The following ADCY2 variants were observed in gnomAD, a reference collection of about 807,000 sequenced individuals.
ADCY2 encodes adenylate cyclase 2.
In ADCY2, 31 loss-of-function variants were observed where a neutral mutation model predicts 125.2. That is an observed-to-expected ratio of 0.25 (90% CI 0.19 to 0.33). The LOEUF is 0.33. Among genes scored for constraint, ADCY2 ranks in the 10% least tolerant of loss-of-function variants. The pLI is 1.00. For missense variants in ADCY2, 904 were observed against 1,418.2 expected (o/e 0.64, Z 5.82); for synonymous variants, 512 against 548.4 (o/e 0.93, Z 0.93).
chr5:7,661,632 A>C (rs544479981), intron 4 of ADCY2, among the ~76,000 whole-genome samples: 1 of 152,334 alleles, frequency 6.6e-6, no homozygotes, highest in South Asian at 2.1e-4. Context: ...CTGGCTTCCA[A>C]ATCACGATAT....
chr5:7,617,625 G>T (rs769985691), intron 3 of ADCY2, among the ~76,000 whole-genome samples: 10 of 152,188 alleles, frequency 6.6e-5, no homozygotes, highest in Non-Finnish European at 1.2e-4. Flanking sequence ...GTCACTTGGT[G>T]TTTGGGGCAA....
intron 4 of ADCY2, among the ~76,000 whole-genome samples, chr5:7,663,760 T>G (rs1051024040): frequency 6.6e-6 from 1 of 152,120 alleles, no homozygotes; most frequent in African/African-American, 2.4e-5. Flanking sequence ...GGGGTCGGGA[T>G]TCTAGCAAGT....
intron 2 of ADCY2, among the ~76,000 whole-genome samples, chr5:7,480,792 A>G (rs560403297): frequency 6.6e-6 from 1 of 152,322 alleles, no homozygotes; most frequent in Admixed American, 6.5e-5. Flanking sequence ...TTCCTTCCAC[A>G]TTGTTGCAAA....
intron 20 of ADCY2, chr5:7,796,653 T>C (rs937746925): frequency 6.6e-6 from 1 of 152,266 alleles, no homozygotes; most frequent in Non-Finnish European, 1.5e-5. Context: ...GCACTTGTGT[T>C]ACTTAAAACT....
chr5:7,528,441 T>A (rs1734543047), intron 3 of ADCY2, among the ~76,000 whole-genome samples: 1 of 152,130 alleles, frequency 6.6e-6, no homozygotes, highest in African/African-American at 2.4e-5. Context: ...AGACCTAGGT[T>A]CATTTTCAGC....
At chr5:7,433,502 T>C (rs1030273360) in intron 2 of ADCY2, among the ~76,000 whole-genome samples, 1 of 152,170 alleles carries the variant, frequency 6.6e-6, no homozygotes, top group Non-Finnish European at 1.5e-5. Context: ...AAATTACTTT[T>C]ATCACAGTTT....
At chr5:7,606,743 T>C (rs1737391892) in intron 3 of ADCY2, among the ~76,000 whole-genome samples, 1 of 152,216 alleles carries the variant, frequency 6.6e-6, no homozygotes, top group African/African-American at 2.4e-5. Flanking sequence ...TTATTTTTCG[T>C]TTATCACCGA....
At chr5:7,810,903 G>A (rs191298843) in intron 22 of ADCY2, among the ~76,000 whole-genome samples, 2 of 152,128 alleles carry the variant, frequency 1.3e-5, no homozygotes, top group South Asian at 2.1e-4. Context: ...GATAACTCTG[G>A]TCTTAACAAG....
chr5:7,665,651 G>C (rs1435510740), intron 4 of ADCY2, among the ~76,000 whole-genome samples: 1 of 151,648 alleles, frequency 6.6e-6, no homozygotes, highest in East Asian at 1.9e-4. Context: ...GAACCCAACT[G>C]GTCTCTCCTG....
rs539334293 is a variant in ADCY2, at chr5:7,427,851, G to A, written c.408+13081G>A. ...TTTCTACTTTTCCATTTGCTTTGGA[G>A]TGTTTGAAGCCCAGCGGACCTAAAA... is the stretch of plus-strand genomic sequence containing the variant. On this transcript the variant is annotated intron_variant, in intron 2 of 24. Transcript: ENST00000338316. 5.3e-5 allele frequency among the ~76,000 whole-genome samples: 8 copies of A among 152,310 alleles called. No individual in the cohort carries two copies. The South Asian group carries it at 1.7e-3, about 32-fold the overall frequency.
chr5:7,552,395 T>C (rs1267573417), intron 3 of ADCY2, among the ~76,000 whole-genome samples: 1 of 152,234 alleles, frequency 6.6e-6, no homozygotes, highest in Non-Finnish European at 1.5e-5. Flanking sequence ...TCTCTGCACA[T>C]GTCAGGACTA....
At chr5:7,674,429 A>G (rs2126707862) in intron 4 of ADCY2, among the ~76,000 whole-genome samples, 1 of 152,240 alleles carries the variant, frequency 6.6e-6, no homozygotes, top group South Asian at 2.1e-4. Flanking sequence ...GTTACGCGCC[A>G]TTTCGAGTGT....
chr5:7,720,799 A>G (rs1211456785), intron 12 of ADCY2, among the ~76,000 whole-genome samples: 3 of 152,144 alleles, frequency 2.0e-5, no homozygotes, highest in Non-Finnish European at 4.4e-5. Context: ...TCTATCACTG[A>G]TGGACATTTG....
chr5:7,741,108 AATATTAT>A (rs1368105158), intron 14 of ADCY2, among the ~76,000 whole-genome samples: 1 of 152,040 alleles, frequency 6.6e-6, no homozygotes, highest in East Asian at 1.9e-4. Flanking sequence ...ATTATAAGAA[AATATTAT>A]ATAGAATATT....
rs1346192016 is a variant in ADCY2 at position 7,657,703 on chromosome 5, G to A, written c.720+31387G>A. Reference sequence around the variant, plus strand: ...ACGTGAGGGTTAATCACCTAAGTTCGCAAATCAAGGACCAAAAACATGTGC... The same window carrying A: ...ACGTGAGGGTTAATCACCTAAGTTCACAAATCAAGGACCAAAAACATGTGC... On this transcript the variant is annotated intron_variant, in intron 4 of 24. Transcript: ENST00000338316. Among the ~76,000 whole-genome samples the A allele has an allele frequency of 2.6e-5, 4 of 152,256 alleles. No homozygotes were observed. In the South Asian group the frequency reaches 6.2e-4, roughly 24 times the overall value.
intron 20 of ADCY2, chr5:7,796,095 G>C (rs1744411800): frequency 6.6e-6 from 1 of 152,174 alleles, no homozygotes; most frequent in Non-Finnish European, 1.5e-5. Context: ...TTGAAGTCAT[G>C]TTTTATTTCC....
In ADCY2 at chr5:7,407,190, T is replaced by G. The variant is rs896138946; in HGVS notation, c.211-7383T>G. On this transcript the variant is annotated intron_variant, in intron 1 of 24. Transcript: ENST00000338316. ...TGGTAACAAGACAGCAATTTTTCCT[T>G]TCTCAAAAAGAAGAATAATTATCTC... is the stretch of plus-strand genomic sequence containing the variant. Among the ~76,000 whole-genome samples the G allele has an allele frequency of 3.3e-5, 5 of 152,212 alleles. No homozygotes were observed. In the South Asian group the frequency reaches 6.2e-4, roughly 19 times the overall value.
In ADCY2 at chr5:7,717,146, T is replaced by G. The variant is rs201631163; in HGVS notation, c.1623-11T>G. ...AATATCCTTACCCATAATATTCCAT[T>G]TTTCATATAGAACCAAGTCACAAAA... On this transcript the variant is annotated splice_polypyrimidine_tract_variant and intron_variant, in intron 11 of 24. Coordinates refer to ENST00000338316, the MANE Select transcript of ADCY2 (RefSeq NM_020546.3). 14 of 1,583,164 alleles carry G rather than the reference T, an allele frequency of 8.8e-6. No individual in the cohort carries two copies. The highest frequency in any genetic ancestry group is 1.1e-5 in the Non-Finnish European group (13 of 1,157,434).
At chr5:7,722,807 A>AAAATTAACC (rs1741800277) in intron 12 of ADCY2, among the ~76,000 whole-genome samples, 1 of 151,876 alleles carries the variant, frequency 6.6e-6, no homozygotes, top group African/African-American at 2.4e-5. Flanking sequence ...AAGAAATACA[A>AAAATTAACC]AAATTAACCG....
Sources: gnomAD v4.1 joint callset for allele counts (sites outside exome capture counted in the v4.1 genomes callset) on GRCh38, gnomAD v4.1.1 for gene constraint, MANE v1.5 for transcripts, NCBI Gene and HGNC (gene_info 2026-07-23, HGNC 2026-07-21) for gene names.